The following SFMBT1 variants were observed in gnomAD, a reference collection of about 807,000 sequenced individuals.
SFMBT1 encodes Scm like with four mbt domains 1, also known as scm-like with four MBT domains protein 1.
SFMBT1 carries 32 observed loss-of-function variants against 108.7 expected under a neutral mutation model. The observed-to-expected ratio is 0.29, with a 90% CI of 0.22 to 0.40. SFMBT1 has a LOEUF of 0.40. Among genes scored for constraint, SFMBT1 ranks in the 10% least tolerant of loss-of-function variants. The probability of loss-of-function intolerance (pLI) is 1.00; values close to 1 mark genes in which losing one functional copy is unlikely to be tolerated. For synonymous variants in SFMBT1, 348 were observed against 369.5 expected (o/e 0.94, Z 0.67); for missense variants, 816 against 1,059.6 (o/e 0.77, Z 3.19).
intron 1 of SFMBT1, among the ~76,000 whole-genome samples, chr3:53,028,364 G>A (rs57060928): frequency 0.013 from 2,038 of 152,332 alleles, 49 homozygotes; most frequent in African/African-American, 0.047. Context: ...TTACAGGCAT[G>A]AGCCACCATG....
chr3:52,978,970 C>T (rs530503243), intron 1 of SFMBT1, among the ~76,000 whole-genome samples: 8 of 151,920 alleles, frequency 5.3e-5, no homozygotes, highest in African/African-American at 1.7e-4. Flanking sequence ...TAATGGATAA[C>T]GACTACTAAT....
At chr3:53,001,925 T>TCA (rs59572829) in intron 1 of SFMBT1, among the ~76,000 whole-genome samples, 17,765 of 128,740 alleles carry the variant, frequency 0.14, 1,644 homozygotes, top group Middle Eastern at 0.19. Flanking sequence ...ACCCAGTCTC[T>TCA]CACACACACA....
In SFMBT1 at chr3:52,923,849, A is replaced by G. The variant is rs564393112; in HGVS notation, c.1132-2018T>C. Among the ~76,000 whole-genome samples, 60 of 152,306 alleles carry G rather than the reference A, an allele frequency of 3.9e-4. 1 individual carries two copies. The South Asian group carries it at 0.011, about 27-fold the overall frequency. On this transcript the variant is annotated intron_variant, in intron 10 of 20. Coordinates refer to ENST00000394752, the MANE Select transcript of SFMBT1 (RefSeq NM_016329.4). Reference sequence around the variant, plus strand: ...GAAGTGATTTAAAAAAAATTTCCCAACACAGAAAGGCATGAAGGTCCAGAA... The same window carrying G: ...GAAGTGATTTAAAAAAAATTTCCCAGCACAGAAAGGCATGAAGGTCCAGAA...
At chr3:53,032,518 C>A (rs1016555285) in intron 1 of SFMBT1, among the ~76,000 whole-genome samples, 1 of 152,264 alleles carries the variant, frequency 6.6e-6, no homozygotes, top group Middle Eastern at 3.4e-3. Flanking sequence ...ATTCTAATTA[C>A]GATGGAAAGC....
At chr3:52,997,960 G>A (rs1698398782) in intron 1 of SFMBT1, among the ~76,000 whole-genome samples, 1 of 150,480 alleles carries the variant, frequency 6.6e-6, no homozygotes. Flanking sequence ...ATTTATTTTT[G>A]TTATTGTAAA....
chr3:52,938,395 CTCTT>C (rs1246861458), intron 4 of SFMBT1, among the ~76,000 whole-genome samples: 9 of 152,206 alleles, frequency 5.9e-5, no homozygotes, highest in African/African-American at 1.9e-4. Flanking sequence ...CATATAGTTT[CTCTT>C]TCTAAGTCTC....
At chr3:52,931,553 C>A (rs1702859565) in intron 6 of SFMBT1, among the ~76,000 whole-genome samples, 1 of 151,852 alleles carries the variant, frequency 6.6e-6, no homozygotes. Flanking sequence ...GAAAAGTAGG[C>A]ACTTGGCCAG....
At position 52,993,098 on chromosome 3, in the gene SFMBT1, GT is replaced by G. The variant is rs1025395464; in HGVS notation, c.-130-23841del. ...CTGAAAATATAATGCTGTATCAGTT[GT>G]TTTTTTTTTAAGCAGCTCAAAAAAT... On this transcript the variant is annotated intron_variant, in intron 1 of 20. Coordinates refer to ENST00000394752, the MANE Select transcript of SFMBT1 (RefSeq NM_016329.4). Among the ~76,000 whole-genome samples the G allele has an allele frequency of 8.6e-3, 1,267 of 147,676 alleles. 19 individuals are homozygous for G. The highest frequency in any genetic ancestry group is 0.03 in the African/African-American group (1,200 of 40,382).
intron 2 of SFMBT1, among the ~76,000 whole-genome samples, chr3:52,966,950 T>TTATATATATATATA (rs374164813): frequency 3.4e-5 from 5 of 146,704 alleles, no homozygotes; most frequent in South Asian, 2.1e-4. Context: ...TTGTGATAAG[T>TTATATATATATATA]TATATATATA....
At chr3:52,939,091 C>G (rs1703107115) in intron 4 of SFMBT1, among the ~76,000 whole-genome samples, 1 of 152,136 alleles carries the variant, frequency 6.6e-6, no homozygotes, top group African/African-American at 2.4e-5. Flanking sequence ...TGATGAAAAT[C>G]TTGTTTTCTT....
At chr3:53,033,479 A>G (rs1699759309) in intron 1 of SFMBT1, among the ~76,000 whole-genome samples, 1 of 151,940 alleles carries the variant, frequency 6.6e-6, no homozygotes, top group African/African-American at 2.4e-5. Context: ...TTTTAATACT[A>G]ACTTTTTTTG....
At chr3:52,949,399 G>T (rs1160458767) in intron 3 of SFMBT1, among the ~76,000 whole-genome samples, 1 of 152,010 alleles carries the variant, frequency 6.6e-6, no homozygotes, top group Non-Finnish European at 1.5e-5. Flanking sequence ...ATTTTCGATA[G>T]GAGGGCGTTG....
chr3:53,045,526 G>C (rs1252503681), intron 1 of SFMBT1, among the ~76,000 whole-genome samples: 2 of 142,896 alleles, frequency 1.4e-5, no homozygotes, highest in Admixed American at 6.9e-5. Context: ...GCCGCTCTCC[G>C]CCGCGGCGAG....
intron 1 of SFMBT1, among the ~76,000 whole-genome samples, chr3:52,987,323 T>C (rs906694072): frequency 9.9e-5 from 15 of 152,236 alleles, no homozygotes; most frequent in African/African-American, 3.6e-4. Context: ...TACATAACTG[T>C]ATGTGTTATG....
At chr3:52,929,708 C>G (rs1349954086) in intron 8 of SFMBT1, among the ~76,000 whole-genome samples, 2 of 152,216 alleles carry the variant, frequency 1.3e-5, no homozygotes, top group East Asian at 3.8e-4. Context: ...GATTTAGCAC[C>G]CAGGCAACTA....
chr3:52,988,390 G>A (rs114754842), intron 1 of SFMBT1, among the ~76,000 whole-genome samples: 163 of 152,104 alleles, frequency 1.1e-3, no homozygotes, highest in South Asian at 3.1e-3. Context: ...CAAAAATCAC[G>A]ACAGGCAACC....
At chr3:53,022,748 G>A (rs984714401) in intron 1 of SFMBT1, among the ~76,000 whole-genome samples, 6 of 152,226 alleles carry the variant, frequency 3.9e-5, no homozygotes, top group African/African-American at 1.4e-4. Context: ...CTGGTTACCT[G>A]GAGCGGGGTG....
chr3:52,908,480 G>A (rs930217314), intron 17 of SFMBT1, among the ~76,000 whole-genome samples: 5 of 152,140 alleles, frequency 3.3e-5, no homozygotes, highest in African/African-American at 1.2e-4. Context: ...TTGTTAAAAA[G>A]AATTTCCTTT....
chr3:52,918,169 A>C (rs930592098), intron 13 of SFMBT1, among the ~76,000 whole-genome samples: 2 of 152,082 alleles, frequency 1.3e-5, no homozygotes, highest in African/African-American at 4.8e-5. Flanking sequence ...ATCATACCCT[A>C]ATTTACAATT....
Sources: gnomAD v4.1 joint callset for allele counts (sites outside exome capture counted in the v4.1 genomes callset) on GRCh38, gnomAD v4.1.1 for gene constraint, MANE v1.5 for transcripts, NCBI Gene and HGNC (gene_info 2026-07-23, HGNC 2026-07-21) for gene names.